DENND2B: variants seen among roughly 807,000 people sequenced by gnomAD.
DENND2B encodes the protein DENN domain-containing protein 2B.
In DENND2B, 32 loss-of-function variants were observed where a neutral mutation model predicts 116.0. That is an observed-to-expected ratio of 0.28 (90% confidence interval 0.21 to 0.37). DENND2B has a LOEUF of 0.37. Among genes scored for constraint, DENND2B ranks in the 10% least tolerant of loss-of-function variants. The pLI is 1.00. For missense variants in DENND2B, 1,276 were observed against 1,477.7 expected, an observed-to-expected ratio of 0.86 and a Z score of 2.24; for synonymous variants, 588 against 583.9, an observed-to-expected ratio of 1.01 and a Z score of -0.10.
intron 4 of DENND2B, chr11:8,718,854 C>CA (rs1289914191): frequency 4.8e-5 from 48 of 995,996 alleles, no homozygotes; most frequent in Non-Finnish European, 5.4e-5. Context: ...CCCACCCCTC[C>CA]AACACACACA....
intron 4 of DENND2B, among the ~76,000 whole-genome samples, chr11:8,831,231 A>C (rs1192589003): frequency 6.6e-6 from 1 of 152,178 alleles, no homozygotes; most frequent in Non-Finnish European, 1.5e-5. Context: ...GAATCACATA[A>C]GTATGTAATG....
chr11:8,728,051 CT>C (rs1307154888), intron 3 of DENND2B, among the ~76,000 whole-genome samples: 17 of 151,786 alleles, frequency 1.1e-4, no homozygotes, highest in African/African-American at 4.1e-4. Context: ...GTTGCCCAGG[CT>C]AGAGTGCAGT....
intron 1 of DENND2B, among the ~76,000 whole-genome samples, chr11:8,895,797 T>C (rs2064094509): frequency 6.6e-6 from 1 of 152,194 alleles, no homozygotes; most frequent in Non-Finnish European, 1.5e-5. Flanking sequence ...AAGAAAGGTT[T>C]ATTCTTTTAG....
At chr11:8,770,344 C>T (rs1247760656) in intron 1 of DENND2B, among the ~76,000 whole-genome samples, 2 of 152,218 alleles carry the variant, frequency 1.3e-5, no homozygotes, top group African/African-American at 4.8e-5. Flanking sequence ...GCCCTCGGTT[C>T]ACTCAATTAG....
chr11:8,725,261 G>A (rs953135884), intron 4 of DENND2B, among the ~76,000 whole-genome samples: 3 of 152,028 alleles, frequency 2.0e-5, no homozygotes, highest in East Asian at 1.9e-4. Context: ...AACTCCCTCC[G>A]CCCCTTCCAC....
chr11:8,870,453 CAA>C (rs2063738200), intron 2 of DENND2B, among the ~76,000 whole-genome samples: 1 of 152,130 alleles, frequency 6.6e-6, no homozygotes, highest in African/African-American at 2.4e-5. Context: ...TAATAGCATG[CAA>C]AGTTAATTTT....
intron 7 of DENND2B, among the ~76,000 whole-genome samples, 179 bp downstream of exon 7, chr11:8,714,431 G>A (rs1384738594): frequency 6.6e-6 from 1 of 152,180 alleles, no homozygotes; most frequent in Non-Finnish European, 1.5e-5. Context: ...CCCTGCTCAG[G>A]GCCTCACAGC....
At chr11:8,742,813 C>A (rs373371482) in intron 2 of DENND2B, among the ~76,000 whole-genome samples, 39 of 152,028 alleles carry the variant, frequency 2.6e-4, no homozygotes, top group African/African-American at 9.2e-4. Context: ...GCCTGTAATC[C>A]CAGCACTTTG....
chr11:8,757,062 C>T (rs911044365), intron 1 of DENND2B: 1 of 456,316 alleles, frequency 2.2e-6, no homozygotes, highest in Non-Finnish European at 4.4e-6. Context: ...AACTTTTCTA[C>T]AAACTGCATC....
intron 1 of DENND2B, among the ~76,000 whole-genome samples, chr11:8,910,343 C>G (rs570482369): frequency 6.6e-6 from 1 of 151,452 alleles, no homozygotes; most frequent in Non-Finnish European, 1.5e-5. Context: ...TAGCGACACC[C>G]CAAAATGTAG....
At chr11:8,748,179 A>G (rs1332718802) in intron 2 of DENND2B, among the ~76,000 whole-genome samples, 2 of 152,066 alleles carry the variant, frequency 1.3e-5, no homozygotes, top group African/African-American at 2.4e-5. Context: ...CCCCTCCCCA[A>G]CTAAAGCTCT....
rs1395023284 is a variant in DENND2B, at chr11:8,753,505, CA to C, written c.-25-2781del. 9.9e-5 allele frequency among the ~76,000 whole-genome samples: 15 copies of C among 152,162 alleles called. No individual in the cohort carries two copies. The East Asian group carries it at 2.3e-3, about 23-fold the overall frequency. On this transcript the variant is annotated intron_variant, in intron 1 of 19. Coordinates refer to ENST00000313726, the MANE Select transcript of DENND2B (RefSeq NM_213618.2). ...TTCTCCCTAAATTGATTTACAGACT[CA>C]ACAGAATACCCATCAAAATGCCAGC...
chr11:8,907,489 A>C (rs1177244337), intron 1 of DENND2B, among the ~76,000 whole-genome samples: 1 of 152,104 alleles, frequency 6.6e-6, no homozygotes, highest in Non-Finnish European at 1.5e-5. Context: ...ATGCACATAT[A>C]AAAATATATT....
intron 13 of DENND2B, among the ~76,000 whole-genome samples, chr11:8,703,936 C>T (rs548257414): frequency 6.6e-6 from 1 of 152,266 alleles, no homozygotes; most frequent in Admixed American, 6.5e-5. Context: ...ATGCCAGAGC[C>T]CTTTATACCT....
At chr11:8,843,604 T>C (rs2062702959) in intron 3 of DENND2B, among the ~76,000 whole-genome samples, 1 of 152,190 alleles carries the variant, frequency 6.6e-6, no homozygotes, top group Non-Finnish European at 1.5e-5. Flanking sequence ...TGGCAACAGC[T>C]ACCTCCACAG....
chr11:8,827,859 G>A (rs914084664), intron 4 of DENND2B, among the ~76,000 whole-genome samples: 1 of 152,180 alleles, frequency 6.6e-6, no homozygotes, highest in Non-Finnish European at 1.5e-5. Flanking sequence ...GAGAGAATGG[G>A]ATAGACTTTC....
rs939515054 is a variant in DENND2B at position 8,876,641 on chromosome 11, C to T, written c.-156+4369G>A. ...CCTGTAATCCCAGCACTTTGGGAGG[C>T]CAAGGTGGGCCTATCACCTGAGGTC... On this transcript the variant is annotated intron_variant, in intron 2 of 22. Coordinates refer to the DENND2B transcript ENST00000534127. 4.6e-5 allele frequency among the ~76,000 whole-genome samples: 7 copies of T among 152,064 alleles called. 1 individual carries two copies. In the South Asian group the frequency reaches 1.5e-3, roughly 32 times the overall value.
intron 6 of DENND2B, chr11:8,715,370 ACTTTC>A (rs2044548442): frequency 1.8e-6 from 1 of 555,242 alleles, no homozygotes; most frequent in Non-Finnish European, 3.2e-6. Flanking sequence ...CCTCGGCTAG[ACTTTC>A]CTTCCTCTAA....
chr11:8,825,283 G>C (rs1483912052), intron 4 of DENND2B, among the ~76,000 whole-genome samples: 1 of 152,014 alleles, frequency 6.6e-6, no homozygotes, highest in African/African-American at 2.4e-5. Context: ...CAGTGATGTT[G>C]AGCTTTTTTT....
Sources: gnomAD v4.1 joint callset for allele counts (sites outside exome capture counted in the v4.1 genomes callset) on GRCh38, gnomAD v4.1.1 for gene constraint, MANE v1.5 for transcripts, NCBI Gene and HGNC (gene_info 2026-07-23, HGNC 2026-07-21) for gene names.